WNT3: variants seen among roughly 807,000 people sequenced by gnomAD.
WNT3 encodes the protein Wnt family member 3.
In WNT3, 7 loss-of-function variants were observed where a neutral mutation model predicts 34.2. That is an observed-to-expected ratio of 0.20 (90% CI 0.12 to 0.38). The LOEUF is 0.38. WNT3 is among the 10% of genes least tolerant of loss of function. The probability of loss-of-function intolerance (pLI) is 1.00; values close to 1 mark genes in which losing one functional copy is unlikely to be tolerated. For missense variants in WNT3, 267 were observed against 499.8 expected (o/e 0.53, Z 4.44); for synonymous variants, 212 against 211.5 (o/e 1.00, Z -0.02).
At chr17:46,817,007 T>C (rs893000799) in intron 1 of WNT3, among the ~76,000 whole-genome samples, 1 of 152,210 alleles carries the variant, frequency 6.6e-6, no homozygotes, top group Non-Finnish European at 1.5e-5. Context: ...AGCCTCAGGT[T>C]AGCCCAGCCC....
chr17:46,811,108 A>G (rs942402958), intron 1 of WNT3, among the ~76,000 whole-genome samples: 4 of 152,234 alleles, frequency 2.6e-5, no homozygotes, highest in Admixed American at 2.6e-4. Context: ...CCGGCTGTAC[A>G]GGCCAGGCTG....
At chr17:46,810,483 C>T (rs66733711) in intron 1 of WNT3, among the ~76,000 whole-genome samples, 4,591 of 152,260 alleles carry the variant, frequency 0.03, 106 homozygotes, top group South Asian at 0.04. Context: ...CAACTGGTCA[C>T]GGGGCATGCC....
In WNT3 at chr17:46,768,456, T is replaced by G; in HGVS notation, c.932A>C (p.Asp311Ala). Residue 311 changes from aspartate (D) to alanine (A), a missense_variant, in exon 4 of 5, where the codon GAT becomes GCT. Coordinates refer to ENST00000225512, the MANE Select transcript of WNT3 (RefSeq NM_030753.5). The surrounding 1 kb of genome is among the most constrained non-coding windows in gnomAD (Gnocchi z 5.0). ...GTGGCCCCGGCCACAGCAGAGCAGATCGCAGCCATCGATGCCGTGGGAGGT... is the reference window on the plus strand; with the variant it reads ...GTGGCCCCGGCCACAGCAGAGCAGAGCGCAGCCATCGATGCCGTGGGAGGT... ...NVTSHGIDGC[D>A]LLCCGRGHNT... 1 of 1,614,130 alleles carries G rather than the reference T, an allele frequency of 6.2e-7. No homozygotes were observed.
At chr17:46,784,461 C>G (rs1052884005) in intron 1 of WNT3, among the ~76,000 whole-genome samples, 1 of 151,456 alleles carries the variant, frequency 6.6e-6, no homozygotes, top group African/African-American at 2.4e-5. Flanking sequence ...GCTGTGGGCA[C>G]ACGGTGGGAG....
chr17:46,769,793 G>A lies in WNT3; in HGVS notation c.578C>T (p.Ala193Val). 1 of 1,611,390 alleles carries A rather than the reference G, an allele frequency of 6.2e-7. No homozygotes were observed. The highest frequency in any genetic ancestry group is 8.5e-7 in the Non-Finnish European group (1 of 1,179,858). The part of the protein sequence containing the change: ...RSAMNKHNNE[A>V]GRTTILDHMH... ...GGTAGCCGGGCTCACCGTGCGGCCC[G>A]CCTCGTTGTTGTGCTTGTTCATGGC... The change falls in exon 3 of 5, where the codon GCG becomes GTG. Residue 193 changes from alanine (A) to valine (V), a missense_variant. By Grantham distance (64) the Ala-to-Val change is moderately conservative (BLOSUM62 0). Transcript: ENST00000225512.
chr17:46,797,093 C>T (rs1173129327), intron 1 of WNT3, among the ~76,000 whole-genome samples: 2 of 152,192 alleles, frequency 1.3e-5, no homozygotes, highest in Non-Finnish European at 2.9e-5. Flanking sequence ...CTGGCAGGAC[C>T]TCTCAGTGCT....
At chr17:46,784,178 C>T (rs937023370) in intron 1 of WNT3, among the ~76,000 whole-genome samples, 7 of 152,062 alleles carry the variant, frequency 4.6e-5, no homozygotes, top group Non-Finnish European at 7.4e-5. Context: ...GACTGGTAGC[C>T]GTTTGGTCCC....
intron 1 of WNT3, among the ~76,000 whole-genome samples, chr17:46,795,677 A>C (rs1234798057): frequency 6.6e-6 from 1 of 152,124 alleles, no homozygotes; most frequent in Non-Finnish European, 1.5e-5. Flanking sequence ...GTTCCGGAGC[A>C]CCCTGCTGTT....
At chr17:46,767,243 C>G (rs2059321577) in intron 4 of WNT3, among the ~76,000 whole-genome samples, 1 of 152,100 alleles carries the variant, frequency 6.6e-6, no homozygotes, top group African/African-American at 2.4e-5. Context: ...CAAAATCCAC[C>G]CGCCTTTGAT....
chr17:46,811,590 C>T (rs981726595), intron 1 of WNT3, among the ~76,000 whole-genome samples: 1 of 152,106 alleles, frequency 6.6e-6, no homozygotes, highest in Non-Finnish European at 1.5e-5. Context: ...AGCAAACCTG[C>T]AGGCAGGCCC....
chr17:46,807,368 G>T (rs1296454120), intron 1 of WNT3, among the ~76,000 whole-genome samples: 1 of 152,214 alleles, frequency 6.6e-6, no homozygotes, highest in Non-Finnish European at 1.5e-5. Context: ...TATAATCCCA[G>T]GTACTTGGGA....
At chr17:46,771,655 C>T (rs1467885959) in intron 2 of WNT3, among the ~76,000 whole-genome samples, 1 of 144,156 alleles carries the variant, frequency 6.9e-6, no homozygotes, top group East Asian at 2.1e-4. Context: ...CCCGGGCCGC[C>T]GGGCCGGCCG....
chr17:46,807,934 G>C (rs774595399), intron 1 of WNT3, among the ~76,000 whole-genome samples: 1 of 152,148 alleles, frequency 6.6e-6, no homozygotes, highest in East Asian at 1.9e-4. Context: ...GCTGAAGGTC[G>C]AATTGTAAAA....
At position 46,818,233 on chromosome 17, in the gene WNT3, C is replaced by A. The variant is rs376338220; in HGVS notation, c.80+285G>T. Among the ~76,000 whole-genome samples the A allele has an allele frequency of 4.6e-5, 7 of 152,042 alleles. No individual in the cohort carries two copies. The East Asian group carries it at 1.2e-3, about 25-fold the overall frequency. ...GTCTTCGGGGGCCTCTAGATTGGGA[C>A]GGGCAGAGGGTTAGGATCTAAGAAT... On this transcript the variant is annotated intron_variant, in intron 1 of 4. Coordinates refer to ENST00000225512, the MANE Select transcript of WNT3 (RefSeq NM_030753.5).
chr17:46,794,547 C>T (rs1354257052), intron 1 of WNT3, among the ~76,000 whole-genome samples: 1 of 152,112 alleles, frequency 6.6e-6, no homozygotes, highest in African/African-American at 2.4e-5. Flanking sequence ...GCTGGCTCTC[C>T]TTTGTTTGCA....
At chr17:46,817,542 C>T (rs1023125449) in intron 1 of WNT3, among the ~76,000 whole-genome samples, 1 of 152,154 alleles carries the variant, frequency 6.6e-6, no homozygotes, top group Non-Finnish European at 1.5e-5. Flanking sequence ...GGGAGAGCGG[C>T]GATGGGGCCG....
intron 1 of WNT3, among the ~76,000 whole-genome samples, chr17:46,801,528 G>A (rs985051149): frequency 7.9e-5 from 12 of 152,200 alleles, no homozygotes; most frequent in African/African-American, 2.9e-4. Flanking sequence ...GCTGGGGCAG[G>A]AGAATAGCTT....
At chr17:46,801,268 A>C (rs2084121419) in intron 1 of WNT3, among the ~76,000 whole-genome samples, 1 of 152,200 alleles carries the variant, frequency 6.6e-6, no homozygotes, top group Non-Finnish European at 1.5e-5. Context: ...CAGGCTGAGG[A>C]GTATACAACA....
At position 46,775,775 on chromosome 17, in the gene WNT3, G is replaced by A. The variant is rs140394071; in HGVS notation, c.81-1866C>T. On this transcript the variant is annotated intron_variant, in intron 1 of 4. Coordinates refer to ENST00000225512, the MANE Select transcript of WNT3 (RefSeq NM_030753.5). ...ACTACAGGTGCCCACCACCACGCCC[G>A]GCTAATTTTTTGTATTTTTAGTAGA... 6.4e-3 allele frequency among the ~76,000 whole-genome samples: 967 copies of A among 151,852 alleles called. 14 individuals carry two copies. Among genetic ancestry groups the A allele is most frequent in the African/African-American group, 0.021 (853 of 41,412 alleles).
Sources: gnomAD v4.1 joint callset for allele counts (sites outside exome capture counted in the v4.1 genomes callset) on GRCh38, gnomAD v4.1.1 for gene constraint, Gnocchi (gnomAD v3.1) non-coding constraint, MANE v1.5 for transcripts, NCBI Gene and HGNC (gene_info 2026-07-23, HGNC 2026-07-21) for gene names.